FGF2: variants seen among roughly 807,000 people sequenced by gnomAD.
The protein encoded by FGF2 is basic fibroblast growth factor bFGF.
A neutral mutation model predicts 15.9 loss-of-function variants in FGF2; 13 were observed. The ratio of observed to expected loss-of-function variants is 0.82; its 90% CI spans 0.53 to 1.30. The LOEUF is 1.30. Among genes scored for constraint, FGF2 ranks in the 50% most tolerant of loss-of-function variants. The pLI, the probability that FGF2 is intolerant of heterozygous loss-of-function variation, is 0.00. For missense variants in FGF2, 163 were observed against 196.9 expected (o/e 0.83, Z 1.03); for synonymous variants, 90 against 78.4 (o/e 1.15, Z -0.78).
chr4:122,843,700 A>G lies in FGF2; in HGVS notation c.178+16348A>G, dbSNP rs972669324. On this transcript the variant is annotated intron_variant, in intron 1 of 2. Transcript: ENST00000644866. ...CCACCGCAATAAAGTAAATATCACA[A>G]TAAAGCGAGCCACATAAACTTTTTG... Among the ~76,000 whole-genome samples the G allele has an allele frequency of 2.0e-5, 3 of 152,364 alleles. No homozygotes were observed. In the South Asian group the frequency reaches 6.2e-4, roughly 32 times the overall value.
chr4:122,840,042 T>C (rs1055253435), intron 1 of FGF2, among the ~76,000 whole-genome samples: 1 of 152,108 alleles, frequency 6.6e-6, no homozygotes, highest in Admixed American at 6.5e-5. Context: ...TTCCTCTTCT[T>C]ATAAAGACCT....
intron 1 of FGF2, among the ~76,000 whole-genome samples, chr4:122,866,307 G>T (rs1328377548): frequency 6.6e-6 from 1 of 151,896 alleles, no homozygotes; most frequent in East Asian, 1.9e-4. Flanking sequence ...GGCGGAGCTT[G>T]CAGTGAGCCG....
intron 1 of FGF2, among the ~76,000 whole-genome samples, chr4:122,844,052 A>T (rs1726051250): frequency 6.6e-6 from 1 of 152,222 alleles, no homozygotes; most frequent in African/African-American, 2.4e-5. Flanking sequence ...GTAGCATGAG[A>T]TGCCATTTGA....
Position 122,853,042 on chromosome 4 carries a change from A to T in FGF2, c.179-23279A>T, listed in dbSNP as rs144240583. ...GCTGAGCACAGTGGCTCATTCATGT[A>T]ATCCCAGTACTTTAGGAGGCAGAAG... On this transcript the variant is annotated intron_variant, in intron 1 of 2. Transcript: ENST00000644866. Among the ~76,000 whole-genome samples, 650 of 152,306 alleles carry T rather than the reference A, an allele frequency of 4.3e-3. 6 individuals are homozygous for T. Among genetic ancestry groups the T allele is most frequent in the African/African-American group, 0.014 (596 of 41,562 alleles).
rs1727217315 is a variant in FGF2 at position 122,892,605 on chromosome 4, C to T, written c.*209C>T. The T allele has an allele frequency of 2.1e-6, 3 of 1,435,332 alleles. No individual in the cohort carries two copies. The highest frequency in any genetic ancestry group is 2.5e-5 in the East Asian group (1 of 40,038). 88.9% of individuals were successfully genotyped at this position (1,435,332 alleles called of 1,614,324 possible). On this transcript the variant is annotated 3_prime_UTR_variant, in exon 3 of 3. Transcript: ENST00000644866. Reference sequence around the variant, plus strand: ...AATGTATATTCTCCCTTTTATATTGCATCTGCTGTTACCCAGTGAAGCTTA... The same window carrying T: ...AATGTATATTCTCCCTTTTATATTGTATCTGCTGTTACCCAGTGAAGCTTA...
At chr4:122,844,586 T>TCTTTCTTTCTTTCTTTCTTTCTTC (rs1419377686) in intron 1 of FGF2, among the ~76,000 whole-genome samples, 1 of 133,780 alleles carries the variant, frequency 7.5e-6, no homozygotes, top group African/African-American at 3.3e-5. Context: ...TTTCTTTCTT[T>TCTTTCTTTCTTTCTTTCTTTCTTC]CTTCCTTCCT....
intron 1 of FGF2, among the ~76,000 whole-genome samples, chr4:122,859,456 A>G (rs1726414523): frequency 6.6e-6 from 1 of 152,218 alleles, no homozygotes; most frequent in South Asian, 2.1e-4. Flanking sequence ...TTATATAAGC[A>G]TAAATAATAT....
chr4:122,872,285 A>C (rs1003181051), intron 1 of FGF2, among the ~76,000 whole-genome samples: 1 of 152,184 alleles, frequency 6.6e-6, no homozygotes, highest in Non-Finnish European at 1.5e-5. Context: ...GAATTTGAAG[A>C]CCACCTTGCT....
At chr4:122,832,056 G>A (rs370049158) in intron 1 of FGF2, among the ~76,000 whole-genome samples, 34 of 152,210 alleles carry the variant, frequency 2.2e-4, no homozygotes, top group African/African-American at 7.7e-4. Context: ...TTAAAACCAC[G>A]AGATGCCTGT....
chr4:122,844,568 T>C (rs55882106), intron 1 of FGF2, among the ~76,000 whole-genome samples: 2,260 of 142,526 alleles, frequency 0.016, 33 homozygotes, highest in Non-Finnish European at 0.024. Context: ...TTTCTTTCTT[T>C]CTTTTTCTTT....
At chr4:122,878,841 AG>A (rs1164188148) in intron 2 of FGF2, among the ~76,000 whole-genome samples, 2 of 152,198 alleles carry the variant, frequency 1.3e-5, no homozygotes, top group Non-Finnish European at 2.9e-5. Context: ...GATGGCTTTT[AG>A]GTTGCTGGTT....
chr4:122,893,339 A>G lies in FGF2; in HGVS notation c.*943A>G. 1.0e-6 allele frequency: 1 copy of G among 988,134 alleles called. No homozygotes were observed. The highest frequency in any genetic ancestry group is 3.1e-5 in the Admixed American group (1 of 31,948). 61.2% of individuals were successfully genotyped at this position (988,134 alleles called of 1,614,324 possible). ...TAAAGGCTCAAAACATTACCCTAAC[A>G]AAGTAAAGTTTTCAATACAAATTCT... On this transcript the variant is annotated 3_prime_UTR_variant, in exon 3 of 3. Coordinates refer to ENST00000644866, the MANE Select transcript of FGF2 (RefSeq NM_001361665.2).
At chr4:122,878,300 G>C (rs1019882724) in intron 2 of FGF2, among the ~76,000 whole-genome samples, 1 of 152,132 alleles carries the variant, frequency 6.6e-6, no homozygotes, top group African/African-American at 2.4e-5. Context: ...CCTATAAGTA[G>C]AATTTTAGAC....
chr4:122,866,856 T>C (rs1258276355), intron 1 of FGF2, among the ~76,000 whole-genome samples: 1 of 152,180 alleles, frequency 6.6e-6, no homozygotes, highest in African/African-American at 2.4e-5. Flanking sequence ...AAAGAAAACA[T>C]GTCTACACAA....
At position 122,892,501 on chromosome 4, in the gene FGF2, T is replaced by TCC; in HGVS notation, c.*105_*106insCC. ...ATAAATGTGTATAGCTCAGTTTGGA[T>TCC]AATTGGTCAAACAATTTTTTATCCA... On this transcript the variant is annotated 3_prime_UTR_variant, in exon 3 of 3. Coordinates refer to ENST00000644866, the MANE Select transcript of FGF2 (RefSeq NM_001361665.2). 6.4e-7 allele frequency: 1 copy of TCC among 1,552,310 alleles called. No individual in the cohort carries two copies. Among genetic ancestry groups the TCC allele is most frequent in the Non-Finnish European group, 8.7e-7 (1 of 1,150,108 alleles).
In FGF2 at chr4:122,847,631, A is replaced by G. The variant is rs534847589; in HGVS notation, c.178+20279A>G. ...TATCTATCTATCTATCTATCTATCT[A>G]TCTATCTATCTGTCTATCTAATCTA... is the stretch of plus-strand genomic sequence containing the variant. On this transcript the variant is annotated intron_variant, in intron 1 of 2. Transcript: ENST00000644866. Among the ~76,000 whole-genome samples the G allele has an allele frequency of 3.0e-5, 4 of 133,802 alleles. No individual in the cohort carries two copies. The South Asian group carries it at 8.8e-4, about 29-fold the overall frequency. 87.8% of individuals were successfully genotyped at this position (133,802 alleles called of 152,430 possible).
At chr4:122,859,218 G>A (rs1726404160) in intron 1 of FGF2, among the ~76,000 whole-genome samples, 1 of 151,726 alleles carries the variant, frequency 6.6e-6, no homozygotes, top group African/African-American at 2.4e-5. Context: ...AGCCCCATGA[G>A]GGTGGAGACT....
chr4:122,843,540 G>A (rs904523610), intron 1 of FGF2, among the ~76,000 whole-genome samples: 1 of 152,124 alleles, frequency 6.6e-6, no homozygotes, highest in Admixed American at 6.6e-5. Flanking sequence ...TGAAGCTGGC[G>A]GCAGGGAGTA....
In FGF2 at chr4:122,897,836, GTTTC is replaced by G. The variant is rs1727410589; in HGVS notation, c.*5443_*5446del. ...TTCTAGCTTCCATCCTTTCTCCCTC[GTTTC>G]TTCTTTTTTTGGGGGAGCTGGTAAC... On this transcript the variant is annotated 3_prime_UTR_variant, in exon 3 of 3. Transcript: ENST00000644866. 6.7e-6 allele frequency: 4 copies of G among 598,468 alleles called. No homozygotes were observed. The highest frequency in any genetic ancestry group is 8.7e-4 in the Middle Eastern group (2 of 2,300). The allele number at this position is 598,468 out of a possible 1,614,324, so 37.1% of individuals were successfully genotyped here.
Sources: gnomAD v4.1 joint callset for allele counts (sites outside exome capture counted in the v4.1 genomes callset) on GRCh38, gnomAD v4.1.1 for gene constraint, MANE v1.5 for transcripts, NCBI Gene and HGNC (gene_info 2026-07-23, HGNC 2026-07-21) for gene names.